Variants in CNTN1 observed in about 807,000 individuals in gnomAD.
CNTN1 encodes contactin 1, also known as contactin-1.
A neutral mutation model predicts 126.4 loss-of-function variants in CNTN1; 38 were observed. The observed-to-expected ratio is 0.30, with a 90% CI of 0.23 to 0.39. CNTN1 has a LOEUF of 0.39. CNTN1 is among the 10% of genes least tolerant of loss of function. CNTN1 has a pLI of 1.00. For synonymous variants in CNTN1, 413 were observed against 422.6 expected (o/e 0.98, Z 0.28); for missense variants, 1,009 against 1,248.4 (o/e 0.81, Z 2.89).
At chr12:40,904,149 G>T (rs1212529222) in intron 1 of CNTN1, among the ~76,000 whole-genome samples, 1 of 152,066 alleles carries the variant, frequency 6.6e-6, no homozygotes, top group Non-Finnish European at 1.5e-5. Context: ...CTCCCGAGTA[G>T]CTGGGACTAC....
intron 1 of CNTN1, among the ~76,000 whole-genome samples, chr12:40,796,259 G>C (rs1940424039): frequency 6.6e-6 from 1 of 152,042 alleles, no homozygotes; most frequent in Non-Finnish European, 1.5e-5. Context: ...CCAGCTCTAA[G>C]AAACATTAAA....
intron 1 of CNTN1, among the ~76,000 whole-genome samples, chr12:40,805,779 A>C (rs181094242): frequency 4.3e-4 from 66 of 152,136 alleles, no homozygotes; most frequent in African/African-American, 1.5e-3. Context: ...GGCTGAGGTC[A>C]ATGGTATTTA....
rs1037761639 is a variant in CNTN1, at chr12:40,755,494, C to T, written c.-77+62902C>T. 5.9e-5 allele frequency among the ~76,000 whole-genome samples: 9 copies of T among 151,340 alleles called. No individual in the cohort carries two copies. In the East Asian group the frequency reaches 1.8e-3, roughly 29 times the overall value. On this transcript the variant is annotated intron_variant, in intron 1 of 23. Transcript: ENST00000551295. ...TTGGGAGGCTAAGGTGGGAGGATTG[C>T]TTGGGGCCGGGAGTTTGGGATCAGC... is the stretch of plus-strand genomic sequence containing the variant.
At chr12:40,728,956 G>A (rs1257920035) in intron 1 of CNTN1, 2 of 152,524 alleles carry the variant, frequency 1.3e-5, no homozygotes, top group African/African-American at 4.8e-5. Context: ...ACATAAGAAA[G>A]CAAAAGATGA....
chr12:40,848,355 C>T (rs2136608181), intron 1 of CNTN1, among the ~76,000 whole-genome samples: 1 of 152,220 alleles, frequency 6.6e-6, no homozygotes, highest in East Asian at 1.9e-4. Flanking sequence ...TGGTACTGTG[C>T]TCTAGGCTAG....
intron 1 of CNTN1, among the ~76,000 whole-genome samples, chr12:40,825,061 T>G (rs979668116): frequency 1.3e-5 from 2 of 152,312 alleles, no homozygotes; most frequent in African/African-American, 4.8e-5. Flanking sequence ...AACAACTGAC[T>G]GATACATATT....
At chr12:40,868,986 T>A (rs145005717) in intron 1 of CNTN1, among the ~76,000 whole-genome samples, 1 of 152,174 alleles carries the variant, frequency 6.6e-6, no homozygotes, top group East Asian at 1.9e-4. Context: ...TACTACACTG[T>A]CATTATTCAT....
chr12:40,878,033 T>A (rs1943735066), intron 1 of CNTN1, among the ~76,000 whole-genome samples: 2 of 149,022 alleles, frequency 1.3e-5, no homozygotes, highest in Admixed American at 1.3e-4. Flanking sequence ...GTTTTGCTCT[T>A]GTTGCCCAGG....
At chr12:41,021,711 G>A (rs182322527) in intron 20 of CNTN1, among the ~76,000 whole-genome samples, 297 of 151,440 alleles carry the variant, frequency 2.0e-3, no homozygotes, top group African/African-American at 7.0e-3. Flanking sequence ...TCTATGCAAG[G>A]GTTCAGCTGA....
intron 4 of CNTN1, 127 bp downstream of exon 4, chr12:40,918,898 G>A: frequency 2.6e-6 from 3 of 1,163,436 alleles, no homozygotes; most frequent in South Asian, 1.3e-5. Flanking sequence ...CAAAAATATT[G>A]GCATACAAAC....
At chr12:40,989,767 A>G (rs1351380896) in intron 16 of CNTN1, among the ~76,000 whole-genome samples, 1 of 152,168 alleles carries the variant, frequency 6.6e-6, no homozygotes, top group Non-Finnish European at 1.5e-5. Context: ...AACATGAATA[A>G]AAAGTAGAAG....
chr12:40,745,993 C>T (rs1938165236), intron 1 of CNTN1, among the ~76,000 whole-genome samples: 1 of 152,088 alleles, frequency 6.6e-6, no homozygotes, highest in Admixed American at 6.6e-5. Flanking sequence ...GTAGGTAGTC[C>T]TATTTATGAA....
chr12:41,063,547 C>T (rs763450640), intron 23 of CNTN1, among the ~76,000 whole-genome samples: 6 of 152,150 alleles, frequency 3.9e-5, no homozygotes, highest in Non-Finnish European at 7.4e-5. Flanking sequence ...TCTTTTGCTC[C>T]TGGATCCACA....
intron 1 of CNTN1, among the ~76,000 whole-genome samples, chr12:40,859,852 G>T (rs1943058083): frequency 6.6e-6 from 1 of 152,038 alleles, no homozygotes; most frequent in South Asian, 2.1e-4. Context: ...AATTTGGCTT[G>T]CTTAAATAAT....
chr12:40,716,072 C>A (rs367622901), intron 1 of CNTN1, among the ~76,000 whole-genome samples: 2 of 151,808 alleles, frequency 1.3e-5, no homozygotes, highest in Admixed American at 1.3e-4. Flanking sequence ...TATCTCTAAG[C>A]CTCACATAAA....
chr12:40,914,303 C>A (rs1003353200), intron 3 of CNTN1, among the ~76,000 whole-genome samples: 1 of 152,150 alleles, frequency 6.6e-6, no homozygotes, highest in Non-Finnish European at 1.5e-5. Context: ...TGCATCTGAG[C>A]ACCCTAGTTG....
Position 40,924,833 on chromosome 12 carries a change from G to A in CNTN1, c.496+181G>A, listed in dbSNP as rs57625854. ...TGTGGACACTTTCTTTCTTGGCTCA[G>A]TCACCTGGCTCTAGTCCCAAGGATC... On this transcript the variant is annotated intron_variant, in intron 6 of 23. Transcript: ENST00000551295. 0.014 allele frequency among the ~76,000 whole-genome samples: 2,021 copies of A among 140,852 alleles called. 47 individuals carry two copies. The highest frequency in any genetic ancestry group is 0.05 in the African/African-American group (1,905 of 37,972). 92.4% of individuals were successfully genotyped at this position (140,852 alleles called of 152,430 possible). A position where few individuals can be genotyped will look rare whatever the true frequency, so the allele number is the denominator to read the frequency against.
At chr12:40,739,298 G>C (rs1485357288) in intron 1 of CNTN1, among the ~76,000 whole-genome samples, 1 of 151,988 alleles carries the variant, frequency 6.6e-6, no homozygotes. Flanking sequence ...TCAGCATTTA[G>C]TTTAAAAAGC....
intron 1 of CNTN1, among the ~76,000 whole-genome samples, chr12:40,757,814 A>G (rs955841927): frequency 1.3e-5 from 2 of 152,170 alleles, no homozygotes; most frequent in African/African-American, 2.4e-5. Context: ...GTCTTTCTTT[A>G]TTAAAATAAT....
Sources: gnomAD v4.1 joint callset for allele counts (sites outside exome capture counted in the v4.1 genomes callset) on GRCh38, gnomAD v4.1.1 for gene constraint, MANE v1.5 for transcripts, NCBI Gene and HGNC (gene_info 2026-07-23, HGNC 2026-07-21) for gene names.